C10orf90: variants seen among roughly 807,000 people sequenced by gnomAD.
C10orf90 encodes (E2-independent) E3 ubiquitin-conjugating enzyme FATS.
Under a neutral mutation model 62.5 loss-of-function variants are expected in C10orf90, and 56 were observed. The ratio of observed to expected loss-of-function variants is 0.90; its 90% CI spans 0.72 to 1.12. The LOEUF (loss-of-function observed/expected upper bound fraction) is 1.12. Ranked by LOEUF, C10orf90 falls within the 50% of genes most tolerant of loss-of-function variation. The pLI is 0.00. For missense variants in C10orf90, 970 were observed against 880.4 expected (o/e 1.10, Z -1.29); for synonymous variants, 386 against 340.4 (o/e 1.13, Z -1.47).
In C10orf90 at chr10:126,453,915, G is replaced by T. The variant is rs1859364480; in HGVS notation, c.2188+5125C>A. On this transcript the variant is annotated intron_variant, in intron 7 of 9. Coordinates refer to ENST00000488181, the MANE Select transcript of C10orf90 (RefSeq NM_001350921.2). The surrounding 1 kb of genome is among the most constrained non-coding windows in gnomAD (Gnocchi z 4.9). ...TTGGAGTGAAGGAAGGACAGGAAAT[G>T]AGACCAACTGGAAAGGTTGAGAGTG... Among the ~76,000 whole-genome samples the T allele has an allele frequency of 1.3e-5, 2 of 152,162 alleles. No individual in the cohort carries two copies. The highest frequency in any genetic ancestry group is 2.4e-5 in the African/African-American group (1 of 41,442).
chr10:126,628,027 C>T (rs1437482341), intron 2 of C10orf90, among the ~76,000 whole-genome samples: 1 of 152,204 alleles, frequency 6.6e-6, no homozygotes, highest in East Asian at 1.9e-4. Flanking sequence ...AAAAAAAGTG[C>T]ATGGAATTAT....
intron 2 of C10orf90, among the ~76,000 whole-genome samples, chr10:126,565,378 AAT>A: frequency 1.3e-5 from 1 of 79,378 alleles, no homozygotes; most frequent in South Asian, 3.1e-4. Flanking sequence ...TTTATATAAT[AAT>A]ATATATTATA....
Position 126,450,003 on chromosome 10 carries a change from A to AAC in C10orf90, c.2188+9036_2188+9037insGT, listed in dbSNP as rs572135886. Among the ~76,000 whole-genome samples the AAC allele has an allele frequency of 7.4e-4, 113 of 152,198 alleles. 3 individuals carry two copies. The South Asian group carries it at 0.018, about 24-fold the overall frequency. ...CAGAGACGCCATCTCAAAAAAAAAA[A>AAC]AAAAAATCAGTAGCATTTCTGTACA... is the stretch of plus-strand genomic sequence containing the variant. On this transcript the variant is annotated intron_variant, in intron 7 of 9. Transcript: ENST00000488181.
intron 2 of C10orf90, among the ~76,000 whole-genome samples, chr10:126,565,348 T>G (rs1283328147): frequency 1.5e-5 from 1 of 66,996 alleles, no homozygotes; most frequent in African/African-American, 6.6e-5. Context: ...ATATAATATA[T>G]AATATATAAT....
intron 1 of C10orf90, among the ~76,000 whole-genome samples, chr10:126,660,447 C>G (rs1846486341): frequency 6.6e-6 from 1 of 152,194 alleles, no homozygotes; most frequent in Non-Finnish European, 1.5e-5. Context: ...GAGCCTCAGA[C>G]AGGGACCTGA....
At position 126,635,980 on chromosome 10, in the gene C10orf90, C is replaced by T. The variant is rs557261799; in HGVS notation, c.313+10585G>A. ...CTCTCCCCTCAGCGCAGAGGTCAAG[C>T]GGTGGCATTGTCAAATACCAGCCTA... On this transcript the variant is annotated intron_variant, in intron 2 of 9. Transcript: ENST00000488181. Among the ~76,000 whole-genome samples, 7 of 152,252 alleles carry T rather than the reference C, an allele frequency of 4.6e-5. No individual in the cohort carries two copies. In the East Asian group the frequency reaches 9.7e-4, roughly 21 times the overall value.
intron 4 of C10orf90, among the ~76,000 whole-genome samples, chr10:126,498,285 T>C (rs1862186559): frequency 2.0e-5 from 3 of 152,200 alleles, no homozygotes; most frequent in Non-Finnish European, 4.4e-5. Flanking sequence ...TGATCTACCC[T>C]GAACACATAG....
At chr10:126,472,349 C>T (rs1007469454) in intron 4 of C10orf90, among the ~76,000 whole-genome samples, 24 of 152,236 alleles carry the variant, frequency 1.6e-4, no homozygotes, top group Middle Eastern at 3.4e-3. Flanking sequence ...AAAATGCTCA[C>T]GGTATTTGTC....
At chr10:126,575,069 G>A (rs905537518) in intron 2 of C10orf90, among the ~76,000 whole-genome samples, 3 of 152,062 alleles carry the variant, frequency 2.0e-5, no homozygotes, top group Non-Finnish European at 4.4e-5. Context: ...TGAAATTTTT[G>A]TTAGAGATAA....
At chr10:126,630,032 C>T (rs927368474) in intron 2 of C10orf90, among the ~76,000 whole-genome samples, 1 of 152,218 alleles carries the variant, frequency 6.6e-6, no homozygotes, top group African/African-American at 2.4e-5. Flanking sequence ...GCTCATATTT[C>T]TTTCCTCTTA....
chr10:126,652,599 C>A (rs1846312995), intron 1 of C10orf90, among the ~76,000 whole-genome samples: 1 of 152,216 alleles, frequency 6.6e-6, no homozygotes, highest in South Asian at 2.1e-4. Context: ...GTTCACTCTT[C>A]ATTTTCCCAT....
intron 2 of C10orf90, among the ~76,000 whole-genome samples, chr10:126,565,145 A>ATATTACAT (rs1377672996): frequency 0.07 from 407 of 5,800 alleles, 79 homozygotes; most frequent in Non-Finnish European, 0.084. Context: ...ATATAATATT[A>ATATTACAT]AATATGTAAT....
intron 1 of C10orf90, among the ~76,000 whole-genome samples, chr10:126,651,386 A>T (rs12257088): frequency 0.26 from 39,176 of 152,062 alleles, 6,116 homozygotes; most frequent in East Asian, 0.38. Flanking sequence ...TGAGTGTAAA[A>T]ATTCATACAT....
intron 2 of C10orf90, among the ~76,000 whole-genome samples, chr10:126,577,408 AAC>A (rs1220901376): frequency 1.3e-5 from 2 of 151,830 alleles, no homozygotes; most frequent in African/African-American, 4.8e-5. Context: ...ATGAATAGAA[AAC>A]AAAAAAAAAA....
chr10:126,563,376 G>A (rs1429368164), intron 2 of C10orf90, among the ~76,000 whole-genome samples: 1 of 152,172 alleles, frequency 6.6e-6, no homozygotes, highest in Non-Finnish European at 1.5e-5. Context: ...GCCAAGCCCT[G>A]CCTTAGCTTG....
intron 4 of C10orf90, among the ~76,000 whole-genome samples, chr10:126,468,856 T>C (rs978445965): frequency 1.3e-5 from 2 of 152,314 alleles, no homozygotes; most frequent in South Asian, 4.1e-4. Flanking sequence ...GAGAAAAAGA[T>C]GGGTCTCTTT....
intron 2 of C10orf90, among the ~76,000 whole-genome samples, chr10:126,542,380 G>A (rs1864395013): frequency 2.0e-5 from 3 of 152,118 alleles, no homozygotes; most frequent in South Asian, 4.1e-4. Flanking sequence ...GCAGGCACCT[G>A]TAATCCCAGT....
chr10:126,457,576 T>C (rs374465974), intron 7 of C10orf90, among the ~76,000 whole-genome samples: 18 of 152,334 alleles, frequency 1.2e-4, no homozygotes, highest in African/African-American at 3.8e-4. Flanking sequence ...TGTGTGTATG[T>C]GAGTCTTGAG....
At chr10:126,438,791 A>T (rs1858096334) in intron 7 of C10orf90, among the ~76,000 whole-genome samples, 2 of 151,744 alleles carry the variant, frequency 1.3e-5, no homozygotes, top group South Asian at 2.1e-4. Context: ...GGCATACACA[A>T]TCAGGCCACA....
Sources: allele counts gnomAD v4.1 joint callset (sites outside exome capture counted in the v4.1 genomes callset), GRCh38; gene constraint gnomAD v4.1.1; non-coding constraint Gnocchi (gnomAD v3.1); transcripts MANE v1.5; gene names NCBI Gene and HGNC (gene_info 2026-07-23, HGNC 2026-07-21).